Variants in DAGLA observed in about 807,000 individuals in gnomAD.
DAGLA encodes the protein diacylglycerol lipase-alpha.
Under a neutral mutation model 102.6 loss-of-function variants are expected in DAGLA, and 22 were observed. That is an observed-to-expected ratio of 0.21 (90% confidence interval 0.15 to 0.31). The LOEUF is 0.31. Among genes scored for constraint, DAGLA ranks in the 10% least tolerant of loss-of-function variants. The probability of loss-of-function intolerance (pLI) is 1.00; values close to 1 mark genes in which losing one functional copy is unlikely to be tolerated. For missense variants in DAGLA, 927 were observed against 1,446.6 expected (o/e 0.64, Z 5.83); for synonymous variants, 578 against 628.9 (o/e 0.92, Z 1.21).
rs529248619 is a variant in DAGLA, at chr11:61,712,947, C to T, written c.-44-7165C>T. Among the ~76,000 whole-genome samples the T allele has an allele frequency of 3.7e-4, 56 of 152,300 alleles. 1 individual carries two copies. Among genetic ancestry groups the T allele is most frequent in the African/African-American group, 1.3e-3 (55 of 41,550 alleles). On this transcript the variant is annotated intron_variant, in intron 1 of 19. Transcript: ENST00000257215. ...TGCGATGTCCTCGTGGAGGGATCTT[C>T]GTGCAAACCATTTTGCCTCTCTGAG...
At position 61,735,721 on chromosome 11, in the gene DAGLA, G is replaced by C; in HGVS notation, c.1213-18G>C. 2 of 1,613,244 alleles carry C rather than the reference G, an allele frequency of 1.2e-6. No individual in the cohort carries two copies. Among genetic ancestry groups the C allele is most frequent in the Non-Finnish European group, 1.7e-6 (2 of 1,179,580 alleles). ...GTCCTCTTTAGCCGCCCCCTCACCT[G>C]TCTCCTCTCTCCCCAAGGATGCCCT... On this transcript the variant is annotated intron_variant, in intron 11 of 19. Transcript: ENST00000257215.
Position 61,737,711 on chromosome 11 carries a change from G to C in DAGLA, c.1539G>C (p.Lys513Asn). The change falls in exon 15 of 20, where the codon AAG (lysine) becomes AAC (asparagine). Residue 513 changes from lysine to asparagine, a missense_variant. Physicochemically the swap from Lys to Asn is moderately conservative, Grantham distance 94. This residue lies in a region of DAGLA where 218 missense variants were observed against 459.6 expected (regional missense o/e 0.47). Transcript: ENST00000257215. ...GTGAGGATGCGATGGAGTATTCCAA[G>C]GAGTTCGTGACTGCTGTGGTTCTGG... ...LLSEDAMEYS[K>N]EFVTAVVLGK... is the part of the protein sequence containing the mutation. 6.2e-7 allele frequency: 1 copy of C among 1,614,074 alleles called. No homozygotes were observed. The highest frequency in any genetic ancestry group is 8.5e-7 in the Non-Finnish European group (1 of 1,179,974).
At chr11:61,720,274 C>T (rs376704027) in intron 2 of DAGLA, 24 bp downstream of exon 2, 76 of 1,606,896 alleles carry the variant, frequency 4.7e-5, no homozygotes, top group Non-Finnish European at 6.1e-5. Context: ...CCCGGGGCCA[C>T]AGGCCTGGGT....
At chr11:61,725,898 T>G (rs993800850) in intron 5 of DAGLA, 97 bp from the exon 6 acceptor site, 1 of 1,150,162 alleles carries the variant, frequency 8.7e-7, no homozygotes, top group Admixed American at 1.7e-5. Context: ...TTTGGTAGGG[T>G]CCTGGGAACA....
rs986468173 is a variant in DAGLA, at chr11:61,720,561, G to A, written c.96-118G>A. ...AGGTGGACAATGGTCTTATGGAGGA[G>A]GTGCCTGCTGCCAGCCCTCCTTCCA... is the stretch of plus-strand genomic sequence containing the variant. On this transcript the variant is annotated intron_variant, in intron 2 of 19. Transcript: ENST00000257215. 6.6e-6 allele frequency: 6 copies of A among 914,490 alleles called. No individual in the cohort carries two copies. The African/African-American group carries it at 8.1e-5, about 12-fold the overall frequency. The allele number at this position is 914,490 out of a possible 1,614,324, so 56.6% of individuals were successfully genotyped here.
At chr11:61,694,065 A>G (rs2065045131) in intron 1 of DAGLA, among the ~76,000 whole-genome samples, 2 of 152,364 alleles carry the variant, frequency 1.3e-5, no homozygotes, top group South Asian at 4.1e-4. Flanking sequence ...GGCTGCATGA[A>G]TGAGGCTGGG....
Position 61,744,694 on chromosome 11 carries a change from C to G in DAGLA, c.*205C>G. On this transcript the variant is annotated 3_prime_UTR_variant, in exon 20 of 20. Transcript: ENST00000257215. ...CCAAGGTGGCTGGGATCTGGCCCCACAGATGGGGAAAGATGGGGAAGGGTG... is the reference window on the plus strand; with the variant it reads ...CCAAGGTGGCTGGGATCTGGCCCCAGAGATGGGGAAAGATGGGGAAGGGTG... The G allele has an allele frequency of 1.8e-6, 1 of 549,512 alleles. No individual in the cohort carries two copies. The highest frequency in any genetic ancestry group is 3.2e-6 in the Non-Finnish European group (1 of 314,010). The allele number at this position is 549,512 out of a possible 1,614,324, so 34.0% of individuals were successfully genotyped here. A position where few individuals can be genotyped will look rare whatever the true frequency, so the allele number is the denominator to read the frequency against.
intron 1 of DAGLA, among the ~76,000 whole-genome samples, chr11:61,691,144 C>T (rs2065021542): frequency 6.6e-6 from 1 of 152,216 alleles, no homozygotes. Context: ...CCCTCCCTTC[C>T]CCAGGTGAAC....
Position 61,736,287 on chromosome 11 carries a change from T to G in DAGLA, c.1308T>G (p.Ala436=). 1 of 1,614,130 alleles carries G rather than the reference T, an allele frequency of 6.2e-7. No homozygotes were observed. Among genetic ancestry groups the G allele is most frequent in the Admixed American group, 1.7e-5 (1 of 60,026 alleles). Residue 436 remains alanine (A), a synonymous_variant, in exon 13 of 20, where the codon GCT becomes GCG. Coordinates refer to ENST00000257215, the MANE Select transcript of DAGLA (RefSeq NM_006133.3). ...WLGHKGMVLS[A]EYIKKKLEQE... Reference sequence around the variant, plus strand: ...CCACCCAGGGTATGGTCCTCTCAGCTGAGTACATCAAGAAGAAACTGGAGC... The same window carrying G: ...CCACCCAGGGTATGGTCCTCTCAGCGGAGTACATCAAGAAGAAACTGGAGC...
In DAGLA at chr11:61,737,724, G is replaced by A; in HGVS notation, c.1552G>A (p.Ala518Thr). ...GGAGTATTCCAAGGAGTTCGTGACT[G>A]CTGTGGTTCTGGGCAAAGACCTCGT... ...AMEYSKEFVT[A>T]VVLGKDLVPR... Residue 518 changes from alanine to threonine, a missense_variant, in exon 15 of 20, where the codon GCT becomes ACT. Coordinates refer to ENST00000257215, the MANE Select transcript of DAGLA (RefSeq NM_006133.3). The A allele has an allele frequency of 6.2e-7, 1 of 1,614,098 alleles. No individual in the cohort carries two copies. The highest frequency in any genetic ancestry group is 8.5e-7 in the Non-Finnish European group (1 of 1,179,984).
In DAGLA at chr11:61,734,915, T is replaced by C. The variant is rs200858944; in HGVS notation, c.1041T>C (p.Cys347=). The C allele has an allele frequency of 2.5e-5, 40 of 1,613,978 alleles. No homozygotes were observed. In the Middle Eastern group the frequency reaches 4.9e-4, roughly 20 times the overall value. Residue 347 remains cysteine, a synonymous_variant, in exon 10 of 20, where the codon TGT becomes TGC. Coordinates refer to ENST00000257215, the MANE Select transcript of DAGLA (RefSeq NM_006133.3). This position sits in a 1 kb window ranked among gnomAD's most constrained non-coding sequence, Gnocchi z 4.2. ...PGVTIEEDNC[C]GCNAIAIRRH... Reference sequence around the variant, plus strand: ...TCACCATCGAGGAAGACAACTGCTGTGGCTGTAATGCCATTGCCATCCGGC... The same window carrying C: ...TCACCATCGAGGAAGACAACTGCTGCGGCTGTAATGCCATTGCCATCCGGC...
chr11:61,742,359 A>T (rs2065487965), intron 19 of DAGLA, among the ~76,000 whole-genome samples: 1 of 152,158 alleles, frequency 6.6e-6, no homozygotes. Flanking sequence ...ACCTTCCCAC[A>T]CAGGCCCTGT....
intron 1 of DAGLA, among the ~76,000 whole-genome samples, chr11:61,700,987 A>G (rs570689637): frequency 1.1e-4 from 17 of 152,316 alleles, no homozygotes; most frequent in African/African-American, 3.9e-4. Context: ...ACAGGTGAGG[A>G]AATCTGATTT....
chr11:61,727,898 A>G (rs564163050), intron 6 of DAGLA, among the ~76,000 whole-genome samples: 79 of 152,324 alleles, frequency 5.2e-4, no homozygotes, highest in African/African-American at 1.9e-3. Flanking sequence ...AGTGGGCACC[A>G]TGCGAATTCC....
At chr11:61,718,915 C>T (rs1469933717) in intron 1 of DAGLA, among the ~76,000 whole-genome samples, 4 of 152,200 alleles carry the variant, frequency 2.6e-5, no homozygotes, top group South Asian at 2.1e-4. Context: ...GCTTCCTCCC[C>T]GAATGATGCC....
chr11:61,740,996 G>A (rs984544416), intron 18 of DAGLA, among the ~76,000 whole-genome samples, 166 bp from the exon 19 acceptor site: 3 of 152,234 alleles, frequency 2.0e-5, no homozygotes, highest in African/African-American at 7.2e-5. Flanking sequence ...AGATGGGCAA[G>A]TCTCAGGCCT....
At position 61,726,066 on chromosome 11, in the gene DAGLA, C is replaced by T. The variant is rs536638905; in HGVS notation, c.620C>T (p.Thr207Met). 1.9e-6 allele frequency: 3 copies of T among 1,612,512 alleles called. No individual in the cohort carries two copies. The highest frequency in any genetic ancestry group is 1.1e-5 in the South Asian group (1 of 91,080). The change falls in exon 6 of 20, where the codon ACG (threonine) becomes ATG (methionine). Residue 207 changes from threonine to methionine, a missense_variant. By Grantham distance (81) the Thr-to-Met change is moderately conservative. This residue lies in a region of DAGLA where 231 missense variants were observed against 439.8 expected (regional missense o/e 0.53). Transcript: ENST00000257215. Reference protein sequence around the residue: ...RLKVFLCCTRTKDSQSDAYSE... With the variant: ...RLKVFLCCTRMKDSQSDAYSE... ...AAAGTGTTCCTCTGCTGCACGCGGA[C>T]GAAGGACTCCCAGTCAGTAAGTACT...
At chr11:61,685,183 C>T (rs1324540897) in intron 1 of DAGLA, among the ~76,000 whole-genome samples, 1 of 152,132 alleles carries the variant, frequency 6.6e-6, no homozygotes, top group African/African-American at 2.4e-5. Context: ...GATGCTGGCA[C>T]ACCTCAGTTT....
chr11:61,698,693 C>A (rs2065086130), intron 1 of DAGLA, among the ~76,000 whole-genome samples: 1 of 152,190 alleles, frequency 6.6e-6, no homozygotes, highest in African/African-American at 2.4e-5. Flanking sequence ...GGCCCGGGGG[C>A]CTTGTCTGAC....
Sources: gnomAD v4.1 joint callset for allele counts (sites outside exome capture counted in the v4.1 genomes callset) on GRCh38, gnomAD v4.1.1 for gene constraint, gnomAD v4.1.1 regional missense constraint, Gnocchi (gnomAD v3.1) non-coding constraint, MANE v1.5 for transcripts, NCBI Gene and HGNC (gene_info 2026-07-23, HGNC 2026-07-21) for gene names.